FABP12: variants seen among roughly 807,000 people sequenced by gnomAD.
FABP12 encodes the protein fatty acid binding protein 12, also known as fatty acid-binding protein 12.
A neutral mutation model predicts 13.7 loss-of-function variants in FABP12; 19 were observed. The observed-to-expected ratio is 1.39, with a 90% CI of 0.97 to 2.04. The LOEUF (loss-of-function observed/expected upper bound fraction) is 2.04. Ranked by LOEUF, FABP12 falls within the 30% of genes most tolerant of loss-of-function variation. The pLI is 0.00. For synonymous variants in FABP12, 61 were observed against 57.0 expected (o/e 1.07, Z -0.32); for missense variants, 182 against 164.2 (o/e 1.11, Z -0.59).
Position 81,564,099 on chromosome 8 carries a change from C to T in FABP12, c.-184-24356G>A, listed in dbSNP as rs541349502. Among the ~76,000 whole-genome samples the T allele has an allele frequency of 2.6e-5, 4 of 152,018 alleles. No individual in the cohort carries two copies. The South Asian group carries it at 8.3e-4, about 32-fold the overall frequency. On this transcript the variant is annotated intron_variant, in intron 1 of 5. Transcript: ENST00000692030. ...CCAATATGTCTGGCAGAAGACTTCT[C>T]AGTGGAAACCTTACAAGGCCAAGAG... is the stretch of plus-strand genomic sequence containing the variant.
chr8:81,560,197 T>A (rs1169688764), intron 1 of FABP12, among the ~76,000 whole-genome samples: 1 of 152,134 alleles, frequency 6.6e-6, no homozygotes, highest in Admixed American at 6.5e-5. Flanking sequence ...CTGAAGGAAA[T>A]GAAGAAGTAA....
intron 1 of FABP12, among the ~76,000 whole-genome samples, chr8:81,577,637 C>T (rs1226173639): frequency 1.3e-5 from 2 of 152,094 alleles, no homozygotes; most frequent in African/African-American, 2.4e-5. Context: ...GGCACAGGCC[C>T]GTAATTTCAG....
intron 3 of FABP12, among the ~76,000 whole-genome samples, chr8:81,527,393 G>A (rs1808933619): frequency 1.3e-5 from 2 of 151,600 alleles, no homozygotes; most frequent in African/African-American, 2.4e-5. Context: ...ACAGAGTTTT[G>A]CTCTTGTCAC....
At chr8:81,559,452 G>A (rs1435285278) in intron 1 of FABP12, among the ~76,000 whole-genome samples, 6 of 152,168 alleles carry the variant, frequency 3.9e-5, no homozygotes, top group African/African-American at 1.4e-4. Context: ...TTCATGTATG[G>A]GTCTAGGCCC....
intron 1 of FABP12, among the ~76,000 whole-genome samples, chr8:81,587,583 T>C (rs1158218141): frequency 6.6e-6 from 1 of 152,142 alleles, no homozygotes; most frequent in Non-Finnish European, 1.5e-5. Flanking sequence ...GTAGCATTTC[T>C]ATACACGAGT....
intron 1 of FABP12, among the ~76,000 whole-genome samples, chr8:81,548,121 G>A (rs1357516720): frequency 6.6e-6 from 1 of 152,046 alleles, no homozygotes; most frequent in Non-Finnish European, 1.5e-5. Flanking sequence ...GAATACACTG[G>A]AATCACCTGG....
chr8:81,559,439 C>T (rs908169315), intron 1 of FABP12, among the ~76,000 whole-genome samples: 10 of 152,208 alleles, frequency 6.6e-5, no homozygotes, highest in African/African-American at 2.4e-4. Context: ...ATCTTACGTT[C>T]TTTTCATGTA....
intron 1 of FABP12, among the ~76,000 whole-genome samples, chr8:81,544,579 A>G (rs1809404341): frequency 1.3e-5 from 2 of 152,266 alleles, no homozygotes; most frequent in South Asian, 4.1e-4. Context: ...ATCAATTGTG[A>G]GAACTATGGG....
intron 2 of FABP12, among the ~76,000 whole-genome samples, chr8:81,530,452 C>G (rs1215025146): frequency 6.6e-6 from 1 of 152,176 alleles, no homozygotes; most frequent in Non-Finnish European, 1.5e-5. Context: ...GTATACACAG[C>G]TCTGTGCAGC....
chr8:81,548,275 A>G (rs1331588205), intron 1 of FABP12, among the ~76,000 whole-genome samples: 2 of 152,210 alleles, frequency 1.3e-5, no homozygotes, highest in Non-Finnish European at 2.9e-5. Flanking sequence ...CTTTTCATGT[A>G]TTAGATTATG....
rs951172150 is a variant in FABP12, at chr8:81,585,299, A to G, written c.-185+4754T>C. The stretch of plus-strand genomic sequence containing the variant: ...AAGGGTTCTATTTTTATTCTTCTGC[A>G]TATAGTTATCCAGTTTTACCAGCAT... On this transcript the variant is annotated intron_variant, in intron 1 of 5. Transcript: ENST00000692030. Among the ~76,000 whole-genome samples, 9 of 152,286 alleles carry G rather than the reference A, an allele frequency of 5.9e-5. 1 individual carries two copies. Among genetic ancestry groups the G allele is most frequent in the African/African-American group, 9.6e-5 (4 of 41,582 alleles).
At chr8:81,584,587 C>A (rs1289805498) in intron 1 of FABP12, among the ~76,000 whole-genome samples, 1 of 482 alleles carries the variant, frequency 2.1e-3, no homozygotes, top group Non-Finnish European at 6.8e-3. Context: ...CCCACCCTGA[C>A]CCAATCCCCT....
At chr8:81,556,693 CAT>C (rs1281918116) in intron 1 of FABP12, among the ~76,000 whole-genome samples, 2 of 148,710 alleles carry the variant, frequency 1.3e-5, no homozygotes, top group Admixed American at 6.7e-5. Flanking sequence ...TAACATCACA[CAT>C]ATGTGGCTAT....
At chr8:81,562,078 C>T (rs560364950) in intron 1 of FABP12, among the ~76,000 whole-genome samples, 93 of 152,262 alleles carry the variant, frequency 6.1e-4, no homozygotes, top group Admixed American at 1.5e-3. Flanking sequence ...AAAACTTTAT[C>T]TTGCAACTTG....
chr8:81,565,610 A>G (rs1360927740), intron 1 of FABP12, among the ~76,000 whole-genome samples: 1 of 151,902 alleles, frequency 6.6e-6, no homozygotes, highest in Non-Finnish European at 1.5e-5. Context: ...AAAAAATTAA[A>G]AAATGTCTTC....
intron 1 of FABP12, among the ~76,000 whole-genome samples, chr8:81,575,089 AG>A (rs1810012671): frequency 6.6e-6 from 1 of 152,040 alleles, no homozygotes; most frequent in Non-Finnish European, 1.5e-5. Flanking sequence ...GTAGGTATGT[AG>A]GGCTATGAAC....
chr8:81,565,293 C>T (rs1809797046), intron 1 of FABP12, among the ~76,000 whole-genome samples: 1 of 151,980 alleles, frequency 6.6e-6, no homozygotes, highest in Non-Finnish European at 1.5e-5. Flanking sequence ...ACAGAAAAAT[C>T]AGCAAAGAAA....
intron 1 of FABP12, among the ~76,000 whole-genome samples, chr8:81,582,071 T>C (rs1469599840): frequency 1.3e-5 from 2 of 150,384 alleles, no homozygotes; most frequent in African/African-American, 4.9e-5. Flanking sequence ...ACTTTGAATG[T>C]TAATAGGTTA....
intron 1 of FABP12, among the ~76,000 whole-genome samples, chr8:81,557,984 G>C (rs1185969700): frequency 6.6e-6 from 1 of 152,162 alleles, no homozygotes; most frequent in African/African-American, 2.4e-5. Context: ...GGTCAGCATG[G>C]GCACTCGGTG....
Sources: allele counts gnomAD v4.1 joint callset (sites outside exome capture counted in the v4.1 genomes callset), GRCh38; gene constraint gnomAD v4.1.1; transcripts MANE v1.5; gene names NCBI Gene and HGNC (gene_info 2026-07-23, HGNC 2026-07-21).